Variants in CHL1 observed in about 807,000 individuals in gnomAD.
CHL1 encodes the protein neural cell adhesion molecule L1-like protein.
In CHL1, 96 loss-of-function variants were observed where a neutral mutation model predicts 141.9. That is an observed-to-expected ratio of 0.68 (90% CI 0.57 to 0.80). CHL1 has a LOEUF of 0.80. Among genes scored for constraint, CHL1 ranks in the 30% least tolerant of loss-of-function variants. The pLI is 0.00. For synonymous variants in CHL1, 613 were observed against 502.2 expected (o/e 1.22, Z -2.95); for missense variants, 1,820 against 1,457.2 (o/e 1.25, Z -4.05).
intron 15 of CHL1, among the ~76,000 whole-genome samples, chr3:376,713 G>C (rs970852424): frequency 6.6e-6 from 1 of 152,124 alleles, no homozygotes; most frequent in East Asian, 1.9e-4. Context: ...TTCAAAAATT[G>C]TCAGGATATG....
chr3:344,054 C>T lies in CHL1; in HGVS notation c.728-535C>T, dbSNP rs193193983. ...GATGCTTACTAGTCATTTCCTAAAA[C>T]TGTGTTTTTCTTTAAGGAGCTGAGA... On this transcript the variant is annotated intron_variant, in intron 8 of 27. Coordinates refer to ENST00000256509, the MANE Select transcript of CHL1 (RefSeq NM_006614.4). 1.3e-3 allele frequency among the ~76,000 whole-genome samples: 194 copies of T among 152,204 alleles called. 1 individual carries two copies. Among genetic ancestry groups the T allele is most frequent in the African/African-American group, 3.5e-3 (144 of 41,538 alleles).
intron 2 of CHL1, among the ~76,000 whole-genome samples, chr3:286,336 C>T (rs990045378): frequency 3.3e-5 from 5 of 152,088 alleles, no homozygotes; most frequent in Non-Finnish European, 7.4e-5. Context: ...TAGGGCTGGG[C>T]ATGGTGGCTC....
chr3:289,335 T>C (rs1235220254), intron 2 of CHL1, among the ~76,000 whole-genome samples: 2 of 152,202 alleles, frequency 1.3e-5, no homozygotes, highest in African/African-American at 4.8e-5. Flanking sequence ...TCCTTGAAAT[T>C]ATTTGCTTTA....
intron 2 of CHL1, among the ~76,000 whole-genome samples, chr3:287,814 G>A (rs766241378): frequency 6.6e-6 from 1 of 151,680 alleles, no homozygotes; most frequent in Non-Finnish European, 1.5e-5. Flanking sequence ...CATCCAGGGT[G>A]GAGTGCAGTG....
chr3:302,857 T>A (rs891556132), intron 2 of CHL1, among the ~76,000 whole-genome samples: 5 of 152,192 alleles, frequency 3.3e-5, no homozygotes, highest in African/African-American at 9.7e-5. Context: ...GGTTTTCTTC[T>A]AGAGTTTTTA....
chr3:271,397 C>G (rs955167078), intron 2 of CHL1, among the ~76,000 whole-genome samples: 23 of 152,174 alleles, frequency 1.5e-4, no homozygotes, highest in Admixed American at 1.4e-3. Context: ...TGTGATTACA[C>G]CACTGCACTC....
intron 2 of CHL1, chr3:246,693 G>A (rs1693206227): frequency 6.6e-6 from 1 of 151,984 alleles, no homozygotes; most frequent in Admixed American, 6.6e-5. Context: ...GTTTTTACAG[G>A]TTTCAACACC....
chr3:295,966 T>C (rs543994620), intron 2 of CHL1, among the ~76,000 whole-genome samples: 1 of 152,220 alleles, frequency 6.6e-6, no homozygotes, highest in East Asian at 1.9e-4. Context: ...CCCTTCTTCC[T>C]GAGGAAATTT....
At chr3:396,193 T>G (rs78602961) in intron 24 of CHL1, among the ~76,000 whole-genome samples, 4 of 152,314 alleles carry the variant, frequency 2.6e-5, no homozygotes, top group East Asian at 3.9e-4. Flanking sequence ...TGACTTTACC[T>G]ACTCATAAAA....
At chr3:403,037 G>A (rs1709268733) in intron 27 of CHL1, among the ~76,000 whole-genome samples, 3 of 152,200 alleles carry the variant, frequency 2.0e-5, no homozygotes, top group Admixed American at 1.3e-4. Context: ...TTTGACCAGG[G>A]CTATGGTTTC....
At chr3:245,169 C>T (rs923701680) in intron 2 of CHL1, among the ~76,000 whole-genome samples, 8 of 152,044 alleles carry the variant, frequency 5.3e-5, no homozygotes, top group Admixed American at 2.0e-4. Context: ...AATTTGAATC[C>T]GTTTGAAATC....
intron 5 of CHL1, among the ~76,000 whole-genome samples, chr3:338,054 C>CG (rs1484145057): frequency 2.0e-5 from 3 of 152,084 alleles, no homozygotes; most frequent in Non-Finnish European, 4.4e-5. Flanking sequence ...TTAGTAGAGA[C>CG]GGGGTTTCAC....
At chr3:359,900 G>A (rs1704060480) in intron 11 of CHL1, among the ~76,000 whole-genome samples, 1 of 152,172 alleles carries the variant, frequency 6.6e-6, no homozygotes, top group African/African-American at 2.4e-5. Context: ...AGATCGTGAT[G>A]TGTTGACCAT....
At chr3:344,137 C>A (rs1033150344) in intron 8 of CHL1, among the ~76,000 whole-genome samples, 11 of 152,156 alleles carry the variant, frequency 7.2e-5, no homozygotes, top group Non-Finnish European at 1.2e-4. Flanking sequence ...GTGTCTACCA[C>A]AGCCTTCCTC....
chr3:303,467 T>G (rs1408353428), intron 2 of CHL1, among the ~76,000 whole-genome samples: 1 of 152,170 alleles, frequency 6.6e-6, no homozygotes, highest in Non-Finnish European at 1.5e-5. Flanking sequence ...TTGTAAGTTG[T>G]ATTCCTAGGC....
chr3:371,366 T>A lies in CHL1; in HGVS notation c.1751+5251T>A, dbSNP rs905483190. ...TCCCTTTACCACTATGTAATGCCCT[T>A]CTTTGTCTTTTCTGATCTTTGTTGG... On this transcript the variant is annotated intron_variant, in intron 15 of 27. Transcript: ENST00000256509. Among the ~76,000 whole-genome samples the A allele has an allele frequency of 3.0e-4, 45 of 152,192 alleles. 1 individual carries two copies. The highest frequency in any genetic ancestry group is 8.8e-5 in the Non-Finnish European group (6 of 68,034).
chr3:360,916 T>G (rs1241377899), intron 12 of CHL1, among the ~76,000 whole-genome samples: 1 of 151,360 alleles, frequency 6.6e-6, no homozygotes, highest in Non-Finnish European at 1.5e-5. Context: ...ACAAAGGACA[T>G]GAACTCATCA....
intron 2 of CHL1, among the ~76,000 whole-genome samples, chr3:276,291 A>G (rs1696092010): frequency 6.6e-6 from 1 of 152,204 alleles, no homozygotes; most frequent in Non-Finnish European, 1.5e-5. Flanking sequence ...AATAAAATAT[A>G]TCAAATGAAT....
At chr3:259,163 T>G (rs1349792089) in intron 2 of CHL1, among the ~76,000 whole-genome samples, 6 of 152,090 alleles carry the variant, frequency 3.9e-5, no homozygotes, top group Non-Finnish European at 7.4e-5. Context: ...TCAAGTGATC[T>G]GCCCATTTCA....
Sources: gnomAD v4.1 joint callset for allele counts (sites outside exome capture counted in the v4.1 genomes callset) on GRCh38, gnomAD v4.1.1 for gene constraint, MANE v1.5 for transcripts, NCBI Gene and HGNC (gene_info 2026-07-23, HGNC 2026-07-21) for gene names.